KIF26A: variants seen among roughly 807,000 people sequenced by gnomAD.
KIF26A encodes kinesin-like protein KIF26A.
KIF26A carries 74 observed loss-of-function variants against 126.0 expected under a neutral mutation model. That is an observed-to-expected ratio of 0.59 (90% CI 0.49 to 0.71). The LOEUF (loss-of-function observed/expected upper bound fraction) is 0.71, where lower values mean the gene tolerates loss of function less well. Among genes scored for constraint, KIF26A ranks in the 30% least tolerant of loss-of-function variants. The pLI is 0.00. For missense variants in KIF26A, 2,984 were observed against 2,763.3 expected, an observed-to-expected ratio of 1.08 and a Z score of -1.79; for synonymous variants, 1,445 against 1,232.7, an observed-to-expected ratio of 1.17 and a Z score of -3.61.
chr14:104,144,028 C>G (rs1005273788), intron 2 of KIF26A, among the ~76,000 whole-genome samples: 2 of 152,208 alleles, frequency 1.3e-5, no homozygotes, highest in Non-Finnish European at 2.9e-5. Context: ...AGGGAGGAAG[C>G]CTGGGTGGGC....
rs562921067 is a variant in KIF26A at position 104,170,650 on chromosome 14, G to A, written c.1114-1073G>A. 9.2e-5 allele frequency among the ~76,000 whole-genome samples: 14 copies of A among 152,376 alleles called. No homozygotes were observed. In the South Asian group the frequency reaches 2.9e-3, roughly 32 times the overall value. ...GGAAATGGGGCCTGTCTCTGGCTCTGCGTTGGAGCCCTGGTTCAGGGTGGC... is the reference window on the plus strand; with the variant it reads ...GGAAATGGGGCCTGTCTCTGGCTCTACGTTGGAGCCCTGGTTCAGGGTGGC... On this transcript the variant is annotated intron_variant, in intron 5 of 14. Coordinates refer to ENST00000423312, the MANE Select transcript of KIF26A (RefSeq NM_015656.2).
chr14:104,178,801 C>G, intron 13 of KIF26A, 46 bp downstream of exon 13: 1 of 1,154,446 alleles, frequency 8.7e-7, no homozygotes, highest in Non-Finnish European at 1.2e-6. Context: ...GGTGGGGAGC[C>G]TGCCGCGGAT....
At position 104,151,082 on chromosome 14, in the gene KIF26A, C is replaced by G. The variant is rs2037725147; in HGVS notation, c.289-933C>G. Among the ~76,000 whole-genome samples, 1 of 152,168 alleles carries G rather than the reference C, an allele frequency of 6.6e-6. No individual in the cohort carries two copies. The highest frequency in any genetic ancestry group is 2.4e-5 in the African/African-American group (1 of 41,434). On this transcript the variant is annotated intron_variant, in intron 2 of 14. Transcript: ENST00000423312. The surrounding 1 kb of genome is among the most constrained non-coding windows in gnomAD (Gnocchi z 4.9). ...GGGTGGTGAGGGACACGGGTGGGCC[C>G]CAGAGAGGAGTAAGCCTCTTGGTCG...
Position 104,175,441 on chromosome 14 carries a change from TC to T in KIF26A, c.2658del (p.Arg887GlyfsTer55). On this transcript the variant is annotated frameshift_variant, in exon 12 of 15. Coordinates refer to ENST00000423312, the MANE Select transcript of KIF26A (RefSeq NM_015656.2). LOFTEE classifies it high-confidence loss of function. ...GRKPSPPEAASPRKAVGTPMA... is the reference protein window; with the variant it reads ...GRKPSPPEAAXPRKAVGTPMA... ...GAAGCCCTCGCCACCAGAGGCTGCA[TC>T]CCCCAGGAAGGCCGTGGGCACCCCG... 2 of 1,592,162 alleles carry T rather than the reference TC, an allele frequency of 1.3e-6. No homozygotes were observed. Among genetic ancestry groups the T allele is most frequent in the South Asian group, 1.1e-5 (1 of 89,526 alleles).
In KIF26A at chr14:104,177,290, G is replaced by T; in HGVS notation, c.4502G>T (p.Arg1501Leu). The T allele has an allele frequency of 1.3e-6, 2 of 1,578,598 alleles. No homozygotes were observed. The highest frequency in any genetic ancestry group is 4.6e-5 in the East Asian group (2 of 43,316). The change falls in exon 12 of 15, where the codon CGT becomes CTT. Residue 1501 changes from arginine (R) to leucine (L), a missense_variant. By Grantham distance (102) the Arg-to-Leu change is moderately radical. Transcript: ENST00000423312. ...PKPPVGGGKG[R>L]GLVAGGSRAL... ...CCCCCTGTTGGTGGAGGCAAGGGCC[G>T]TGGCCTAGTGGCTGGTGGGTCGCGG...
chr14:104,166,204 C>T (rs571040201), intron 4 of KIF26A, among the ~76,000 whole-genome samples: 10 of 151,262 alleles, frequency 6.6e-5, no homozygotes, highest in Middle Eastern at 3.4e-3. Context: ...TGGGCAGTGG[C>T]TCCAGGATGG....
rs1198807384 is a variant in KIF26A at position 104,176,780 on chromosome 14, C to T, written c.3992C>T (p.Ala1331Val). 2 of 1,575,006 alleles carry T rather than the reference C, an allele frequency of 1.3e-6. No homozygotes were observed. The highest frequency in any genetic ancestry group is 8.6e-7 in the Non-Finnish European group (1 of 1,161,702). Reference sequence around the variant, plus strand: ...GGAGATGCTCCCACGGAGGTGGTGGCCTGCTCGGGGAGCCTGAAGGCCTCC... The same window carrying T: ...GGAGATGCTCCCACGGAGGTGGTGGTCTGCTCGGGGAGCCTGAAGGCCTCC... ...SWGDAPTEVV[A>V]CSGSLKASPT... The change falls in exon 12 of 15, where the codon GCC (alanine) becomes GTC (valine). Residue 1331 changes from alanine (A) to valine (V), a missense_variant. Coordinates refer to ENST00000423312, the MANE Select transcript of KIF26A (RefSeq NM_015656.2).
chr14:104,167,426 C>T (rs926843633), intron 5 of KIF26A, among the ~76,000 whole-genome samples: 7 of 152,224 alleles, frequency 4.6e-5, no homozygotes, highest in African/African-American at 1.7e-4. Flanking sequence ...AGGGGACTCT[C>T]TGCTCTCCAG....
intron 2 of KIF26A, among the ~76,000 whole-genome samples, chr14:104,147,468 G>T (rs1387284796): frequency 6.6e-6 from 1 of 152,208 alleles, no homozygotes; most frequent in Non-Finnish European, 1.5e-5. Context: ...AGACCCACAG[G>T]ATGGGAATGG....
intron 2 of KIF26A, among the ~76,000 whole-genome samples, chr14:104,142,479 C>G (rs2037646381): frequency 6.7e-6 from 1 of 150,124 alleles, no homozygotes; most frequent in Admixed American, 6.6e-5. Flanking sequence ...TAATGGGCTG[C>G]TCTGTCTGCC....
Position 104,152,606 on chromosome 14 carries a change from C to G in KIF26A, c.735+145C>G, listed in dbSNP as rs894829017. The G allele has an allele frequency of 4.1e-6, 3 of 739,582 alleles. No individual in the cohort carries two copies. Among genetic ancestry groups the G allele is most frequent in the Non-Finnish European group, 6.4e-6 (3 of 468,408 alleles). 45.8% of individuals were successfully genotyped at this position (739,582 alleles called of 1,614,324 possible). A position where few individuals can be genotyped will look rare whatever the true frequency, so the allele number is the denominator to read the frequency against. ...GCGGGCATGGGGGTTCCTGACACTC[C>G]TGAGGCCCCACATCAGATGCACCCT... On this transcript the variant is annotated intron_variant, in intron 3 of 14. Coordinates refer to ENST00000423312, the MANE Select transcript of KIF26A (RefSeq NM_015656.2). The surrounding 1 kb of genome is among the most constrained non-coding windows in gnomAD (Gnocchi z 5.9).
Position 104,174,174 on chromosome 14 carries a change from G to A in KIF26A, c.2057G>A (p.Arg686His), listed in dbSNP as rs764349709. ...GACCACAGGCTCACCATGCTGCTGC[G>A]TGAATCCCTGGCCACCGCTGGCTGC... ...YRDHRLTMLLRESLATAGCRT... is the reference protein window; with the variant it reads ...YRDHRLTMLLHESLATAGCRT... Residue 686 changes from arginine (R) to histidine (H), a missense_variant, in exon 11 of 15, where the codon CGT (arginine) becomes CAT (histidine). Arg to His is a conservative substitution (Grantham distance 29, BLOSUM62 0). Coordinates refer to ENST00000423312, the MANE Select transcript of KIF26A (RefSeq NM_015656.2). 23 of 1,589,504 alleles carry A rather than the reference G, an allele frequency of 1.4e-5. No individual in the cohort carries two copies. Among genetic ancestry groups the A allele is most frequent in the African/African-American group, 1.1e-4 (8 of 74,276 alleles).
At chr14:104,163,274 A>G (rs1201984786) in intron 4 of KIF26A, among the ~76,000 whole-genome samples, 4 of 151,978 alleles carry the variant, frequency 2.6e-5, no homozygotes, top group East Asian at 1.9e-4. Context: ...CCTGCCCGCT[A>G]TGGGGGCTCA....
chr14:104,150,222 C>T (rs1453662190), intron 2 of KIF26A, among the ~76,000 whole-genome samples: 6 of 141,948 alleles, frequency 4.2e-5, no homozygotes, highest in Non-Finnish European at 9.3e-5. Context: ...TCCTCCTCCT[C>T]CTCCCCCTCC....
At chr14:104,154,879 T>C (rs767964531) in intron 3 of KIF26A, among the ~76,000 whole-genome samples, 1 of 152,082 alleles carries the variant, frequency 6.6e-6, no homozygotes. Context: ...TACATGGAGA[T>C]TGGGTGGCAC....
Position 104,176,107 on chromosome 14 carries a change from G to C in KIF26A, c.3319G>C (p.Gly1107Arg). 1 of 1,584,144 alleles carries C rather than the reference G, an allele frequency of 6.3e-7. No homozygotes were observed. The highest frequency in any genetic ancestry group is 8.6e-7 in the Non-Finnish European group (1 of 1,166,244). ...EGAAWAGSSHGSSISSWLSEV... is the reference protein window; with the variant it reads ...EGAAWAGSSHRSSISSWLSEV... ...GGCAGCCTGGGCCGGCAGCAGTCAC[G>C]GCTCCTCCATCAGCTCCTGGCTCAG... Residue 1107 changes from glycine to arginine, a missense_variant, in exon 12 of 15, where the codon GGC (glycine) becomes CGC (arginine). By Grantham distance (125) the Gly-to-Arg change is moderately radical. Transcript: ENST00000423312.
At chr14:104,170,218 C>A (rs117745277) in intron 5 of KIF26A, among the ~76,000 whole-genome samples, 5 of 152,322 alleles carry the variant, frequency 3.3e-5, no homozygotes, top group Non-Finnish European at 7.3e-5. Context: ...AAAAAAATTG[C>A]CAAAAATTAC....
intron 5 of KIF26A, among the ~76,000 whole-genome samples, chr14:104,168,261 C>T (rs925461697): frequency 1.3e-4 from 20 of 152,318 alleles, no homozygotes; most frequent in African/African-American, 2.4e-4. Context: ...TGTCTGGCCA[C>T]GCCCTCAGTG....
At chr14:104,143,700 C>T (rs538001077) in intron 2 of KIF26A, among the ~76,000 whole-genome samples, 18 of 152,244 alleles carry the variant, frequency 1.2e-4, no homozygotes, top group Non-Finnish European at 2.2e-4. Context: ...GCCCCTGGGC[C>T]CCCAGACTTG....
Sources: allele counts gnomAD v4.1 joint callset (sites outside exome capture counted in the v4.1 genomes callset), GRCh38; gene constraint gnomAD v4.1.1; non-coding constraint Gnocchi (gnomAD v3.1); transcripts MANE v1.5; gene names NCBI Gene and HGNC (gene_info 2026-07-23, HGNC 2026-07-21).